Variants in VPS13B observed in about 807,000 individuals in gnomAD.
The protein encoded by VPS13B is vacuolar protein sorting 13 homolog B.
Under a neutral mutation model 426.4 loss-of-function variants are expected in VPS13B, and 285 were observed. The ratio of observed to expected loss-of-function variants is 0.67; its 90% CI spans 0.61 to 0.74. The LOEUF is 0.74. Among genes scored for constraint, VPS13B ranks in the 30% least tolerant of loss-of-function variants. The pLI is 0.00. For synonymous variants in VPS13B, 1,676 were observed against 1,676.4 expected, an observed-to-expected ratio of 1.00 and a Z score of 0.01; for missense variants, 4,537 against 4,782.6, an observed-to-expected ratio of 0.95 and a Z score of 1.51.
At chr8:99,016,838 T>A (rs1841647204) in intron 2 of VPS13B, among the ~76,000 whole-genome samples, 1 of 152,040 alleles carries the variant, frequency 6.6e-6, no homozygotes, top group Non-Finnish European at 1.5e-5. Context: ...GATCCTCCTG[T>A]CTCGGCCTCC....
chr8:99,613,434 C>T (rs1470134813), intron 33 of VPS13B, among the ~76,000 whole-genome samples: 1 of 152,184 alleles, frequency 6.6e-6, no homozygotes, highest in Non-Finnish European at 1.5e-5. Context: ...CCCATCTATC[C>T]ATTCACCTGT....
intron 43 of VPS13B, among the ~76,000 whole-genome samples, chr8:99,792,167 T>C (rs139871592): frequency 1.4e-4 from 21 of 152,162 alleles, no homozygotes; most frequent in Admixed American, 7.8e-4. Context: ...GCCTGTTAAC[T>C]ACAAACATCA....
intron 39 of VPS13B, among the ~76,000 whole-genome samples, chr8:99,745,290 T>C (rs1157096913): frequency 6.6e-6 from 1 of 152,130 alleles, no homozygotes; most frequent in East Asian, 1.9e-4. Flanking sequence ...CTGAGACTTC[T>C]ATCATTCAGT....
At chr8:99,267,659 T>G (rs1818374575) in intron 17 of VPS13B, among the ~76,000 whole-genome samples, 1 of 150,880 alleles carries the variant, frequency 6.6e-6, no homozygotes, top group African/African-American at 2.4e-5. Flanking sequence ...CCAGGGGGTC[T>G]GAGGTTGCAG....
chr8:99,170,559 C>A (rs537293225), intron 16 of VPS13B, among the ~76,000 whole-genome samples: 2 of 151,608 alleles, frequency 1.3e-5, no homozygotes, highest in Non-Finnish European at 2.9e-5. Flanking sequence ...TATATTCATA[C>A]CCACTGACAA....
rs1427967091 is a variant in VPS13B, at chr8:99,431,532, C to G, written c.3083-5C>G. ...TATTAAATAATTAGCTATTCTCGTA[C>G]TCAGAATCCCGCCCATTGTCAGTTC... is the stretch of plus-strand genomic sequence containing the variant. On this transcript the variant is annotated splice_region_variant and splice_polypyrimidine_tract_variant and intron_variant, in intron 21 of 61. Transcript: ENST00000357162. 6.2e-6 allele frequency: 10 copies of G among 1,613,112 alleles called. No homozygotes were observed. The highest frequency in any genetic ancestry group is 8.5e-6 in the Non-Finnish European group (10 of 1,179,632).
rs145935342 is a variant in VPS13B at position 99,578,558 on chromosome 8, A to G, written c.5220+925A>G. Among the ~76,000 whole-genome samples, 610 of 152,194 alleles carry G rather than the reference A, an allele frequency of 4.0e-3. 2 individuals are homozygous for G. Among genetic ancestry groups the G allele is most frequent in the African/African-American group, 0.014 (582 of 41,556 alleles). ...TCATCCTTTACTAGCCATGATATCTATTTATTCAATATCTATTGTAAAAGG... is the reference window on the plus strand; with the variant it reads ...TCATCCTTTACTAGCCATGATATCTGTTTATTCAATATCTATTGTAAAAGG... On this transcript the variant is annotated intron_variant, in intron 33 of 61. Transcript: ENST00000357162.
intron 49 of VPS13B, among the ~76,000 whole-genome samples, chr8:99,820,351 G>T (rs1814290866): frequency 6.6e-6 from 1 of 151,714 alleles, no homozygotes; most frequent in Non-Finnish European, 1.5e-5. Context: ...TTGATAACTT[G>T]GATTAGTTAC....
At chr8:99,737,506 T>C (rs1296512466) in intron 39 of VPS13B, among the ~76,000 whole-genome samples, 1 of 152,180 alleles carries the variant, frequency 6.6e-6, no homozygotes, top group Non-Finnish European at 1.5e-5. Flanking sequence ...TTGTTTTCCA[T>C]CCAAATTCTA....
chr8:99,491,500 A>T (rs537030808), intron 25 of VPS13B, among the ~76,000 whole-genome samples: 1 of 152,324 alleles, frequency 6.6e-6, no homozygotes, highest in East Asian at 1.9e-4. Flanking sequence ...AGGTTCACCA[A>T]TCAAACATAG....
In VPS13B at chr8:99,828,394, G is replaced by GTTTTTTTTTTTTTTTTTTTTTTTTTTTT. The variant is rs555108452; in HGVS notation, c.9331-3962_9331-3935dup. On this transcript the variant is annotated intron_variant, in intron 51 of 61. Transcript: ENST00000357162. ...ATCAGAGACTAGGATTACAACCACC[G>GTTTTTTTTTTTTTTTTTTTTTTTTTTTT]TTTTTTTTTTTTTTTTTTTTTTTTT... Among the ~76,000 whole-genome samples the GTTTTTTTTTTTTTTTTTTTTTTTTTTTT allele has an allele frequency of 1.0e-3, 18 of 17,444 alleles. 5 individuals are homozygous for GTTTTTTTTTTTTTTTTTTTTTTTTTTTT. The highest frequency in any genetic ancestry group is 2.3e-3 in the Admixed American group (3 of 1,290). 11.4% of individuals were successfully genotyped at this position (17,444 alleles called of 152,430 possible).
At chr8:99,749,121 T>C (rs1427697016) in intron 39 of VPS13B, among the ~76,000 whole-genome samples, 2 of 152,064 alleles carry the variant, frequency 1.3e-5, no homozygotes, top group African/African-American at 2.4e-5. Context: ...ACATAGTAGA[T>C]GTATATATTT....
At chr8:99,247,937 T>G (rs1479609514) in intron 17 of VPS13B, among the ~76,000 whole-genome samples, 1 of 152,194 alleles carries the variant, frequency 6.6e-6, no homozygotes, top group Non-Finnish European at 1.5e-5. Flanking sequence ...AGCTGAAATA[T>G]ATTCCACAAG....
intron 25 of VPS13B, among the ~76,000 whole-genome samples, chr8:99,492,800 A>AT (rs1820684559): frequency 6.6e-6 from 1 of 152,086 alleles, no homozygotes. Flanking sequence ...GGAAAGGGAA[A>AT]TCCCCCAACC....
At position 99,876,196 on chromosome 8, in the gene VPS13B, CCT is replaced by C. The variant is rs1218619728; in HGVS notation, c.*531_*532del. 1 of 165,312 alleles carries C rather than the reference CCT, an allele frequency of 6.0e-6. No homozygotes were observed. Among genetic ancestry groups the C allele is most frequent in the African/African-American group, 2.4e-5 (1 of 41,562 alleles). 10.2% of individuals were successfully genotyped at this position (165,312 alleles called of 1,614,324 possible). ...CATCTGTTTTTGGGCTGAGTCACCA[CCT>C]TTGCCTCATGCTCCTTTGTCTGCAA... On this transcript the variant is annotated 3_prime_UTR_variant, in exon 62 of 62. Coordinates refer to ENST00000357162, the MANE Select transcript of VPS13B (RefSeq NM_152564.5).
chr8:99,836,685 C>A (rs1258897909), intron 54 of VPS13B, among the ~76,000 whole-genome samples: 1 of 152,186 alleles, frequency 6.6e-6, no homozygotes, highest in African/African-American at 2.4e-5. Context: ...GTCTTCACGA[C>A]AAGCTTGTGA....
chr8:99,679,169 A>G (rs1158200258), intron 35 of VPS13B, among the ~76,000 whole-genome samples: 1 of 152,170 alleles, frequency 6.6e-6, no homozygotes, highest in Admixed American at 6.5e-5. Context: ...TTTCATAAGC[A>G]GATTAGTAAT....
chr8:99,170,311 A>G (rs1812256345), intron 16 of VPS13B, 148 bp downstream of exon 16: 1 of 989,100 alleles, frequency 1.0e-6, no homozygotes, highest in Non-Finnish European at 1.5e-6. Context: ...CTGAGACACT[A>G]AAAGTCTTTT....
At chr8:99,631,040 T>C (rs965595076) in intron 33 of VPS13B, among the ~76,000 whole-genome samples, 6 of 152,144 alleles carry the variant, frequency 3.9e-5, no homozygotes. Context: ...AAAAATGTTA[T>C]GATGCATTAG....
Sources: gnomAD v4.1 joint callset for allele counts (sites outside exome capture counted in the v4.1 genomes callset) on GRCh38, gnomAD v4.1.1 for gene constraint, MANE v1.5 for transcripts, NCBI Gene and HGNC (gene_info 2026-07-23, HGNC 2026-07-21) for gene names.